KCNQ5: variants seen among roughly 807,000 people sequenced by gnomAD.
The protein encoded by KCNQ5 is potassium voltage-gated channel subfamily KQT member 5.
KCNQ5 carries 30 observed loss-of-function variants against 98.2 expected under a neutral mutation model. The observed-to-expected ratio is 0.31, with a 90% CI of 0.23 to 0.41. The LOEUF (loss-of-function observed/expected upper bound fraction) is 0.41, where lower values mean the gene tolerates loss of function less well. Ranked by LOEUF, KCNQ5 falls within the 10% of genes least tolerant of loss-of-function variation. The pLI is 1.00. For synonymous variants in KCNQ5, 458 were observed against 449.4 expected (o/e 1.02, Z -0.24); for missense variants, 835 against 1,182.5 (o/e 0.71, Z 4.31).
intron 1 of KCNQ5, among the ~76,000 whole-genome samples, chr6:72,830,391 G>C (rs1029764013): frequency 6.6e-6 from 1 of 152,142 alleles, no homozygotes; most frequent in Non-Finnish European, 1.5e-5. Flanking sequence ...CAGAGATATA[G>C]ACCAATGGAA....
intron 1 of KCNQ5, among the ~76,000 whole-genome samples, chr6:73,003,573 A>G (rs7743089): frequency 7.9e-5 from 12 of 152,242 alleles, no homozygotes; most frequent in African/African-American, 2.6e-4. Flanking sequence ...GAGCAAGAAC[A>G]TACTTTCTGG....
chr6:72,814,448 G>A (rs1775400667), intron 1 of KCNQ5, among the ~76,000 whole-genome samples: 1 of 152,212 alleles, frequency 6.6e-6, no homozygotes, highest in Non-Finnish European at 1.5e-5. Context: ...TTCCTGTGAA[G>A]ATTACTTAGA....
intron 1 of KCNQ5, among the ~76,000 whole-genome samples, chr6:72,726,552 A>G (rs1452070819): frequency 6.6e-6 from 1 of 152,178 alleles, no homozygotes; most frequent in African/African-American, 2.4e-5. Flanking sequence ...CTCACAACAA[A>G]CAGCTTCTTT....
At chr6:72,984,653 C>A (rs1768662511) in intron 1 of KCNQ5, among the ~76,000 whole-genome samples, 1 of 152,188 alleles carries the variant, frequency 6.6e-6, no homozygotes, top group Admixed American at 6.5e-5. Context: ...AATCCCCCCA[C>A]CCCTTGTGCT....
At chr6:72,860,836 C>CATGTGTGTGTGTGTGTGT (rs2150152646) in intron 1 of KCNQ5, among the ~76,000 whole-genome samples, 1 of 119,398 alleles carries the variant, frequency 8.4e-6, no homozygotes, top group African/African-American at 2.9e-5. Flanking sequence ...CCTTTTAAGG[C>CATGTGTGTGTGTGTGTGT]ATGTGTGTGT....
At chr6:72,899,536 T>C (rs1184932555) in intron 1 of KCNQ5, among the ~76,000 whole-genome samples, 1 of 152,208 alleles carries the variant, frequency 6.6e-6, no homozygotes, top group African/African-American at 2.4e-5. Flanking sequence ...AAAATTTTTA[T>C]CTCAAATTTA....
chr6:73,148,265 A>G (rs1000416754), intron 10 of KCNQ5, among the ~76,000 whole-genome samples: 2 of 152,234 alleles, frequency 1.3e-5, no homozygotes, highest in African/African-American at 4.8e-5. Flanking sequence ...GTTAATTGAC[A>G]ATCTTTAAGA....
At chr6:73,086,997 G>T (rs67433517) in intron 5 of KCNQ5, among the ~76,000 whole-genome samples, 20,468 of 152,248 alleles carry the variant, frequency 0.13, 2,608 homozygotes, top group African/African-American at 0.34. Context: ...TCATTAAAGT[G>T]CAGTGAGCAA....
chr6:72,865,623 A>G (rs1044518526), intron 1 of KCNQ5, among the ~76,000 whole-genome samples: 3 of 152,140 alleles, frequency 2.0e-5, no homozygotes, highest in African/African-American at 7.2e-5. Context: ...CCAGCTGGAG[A>G]CATGTCACGA....
chr6:72,949,115 TCTTTGG>T (rs1341172153), intron 1 of KCNQ5, among the ~76,000 whole-genome samples: 1 of 152,180 alleles, frequency 6.6e-6, no homozygotes, highest in East Asian at 1.9e-4. Flanking sequence ...AGACACAACA[TCTTTGG>T]CTTTCTCAAA....
Position 72,622,789 on chromosome 6 carries a change from C to G in KCNQ5, c.398+202C>G, listed in dbSNP as rs1300616171. Among the ~76,000 whole-genome samples, 1 of 152,186 alleles carries G rather than the reference C, an allele frequency of 6.6e-6. No individual in the cohort carries two copies. The highest frequency in any genetic ancestry group is 1.5e-5 in the Non-Finnish European group (1 of 68,036). ...CTTCTCTCATCTCTACAGCTTGAACCTTTTCCCCGAGGACACCCAATGAAC... is the reference window on the plus strand; with the variant it reads ...CTTCTCTCATCTCTACAGCTTGAACGTTTTCCCCGAGGACACCCAATGAAC... On this transcript the variant is annotated intron_variant, in intron 1 of 13. Transcript: ENST00000370398. The surrounding 1 kb of genome is among the most constrained non-coding windows in gnomAD (Gnocchi z 6.0).
At chr6:72,772,003 T>A (rs765570667) in intron 1 of KCNQ5, among the ~76,000 whole-genome samples, 2 of 152,152 alleles carry the variant, frequency 1.3e-5, no homozygotes, top group Non-Finnish European at 2.9e-5. Flanking sequence ...AATTCTAACA[T>A]GATTCATAAC....
intron 1 of KCNQ5, among the ~76,000 whole-genome samples, chr6:72,931,383 A>C (rs904712980): frequency 2.0e-5 from 3 of 152,168 alleles, no homozygotes; most frequent in South Asian, 2.1e-4. Context: ...TTAAGAATCA[A>C]ATTTCAGGAT....
rs528003827 is a variant in KCNQ5 at position 72,648,438 on chromosome 6, G to A, written c.398+25851G>A. On this transcript the variant is annotated intron_variant, in intron 1 of 13. Transcript: ENST00000370398. ...TGAAAGGAATGAATTAGAGCTACAT[G>A]AATCTATATTGATATATCTAAAGCC... Among the ~76,000 whole-genome samples the A allele has an allele frequency of 3.2e-4, 48 of 152,256 alleles. 1 individual carries two copies. The South Asian group carries it at 9.3e-3, about 30-fold the overall frequency.
At chr6:73,190,730 G>C (rs369028552) in intron 12 of KCNQ5, 26 bp downstream of exon 12, 2 of 1,481,098 alleles carry the variant, frequency 1.4e-6, no homozygotes, top group South Asian at 1.4e-5. Flanking sequence ...GTCATTCCTT[G>C]TAAAGGAATG....
intron 9 of KCNQ5, among the ~76,000 whole-genome samples, chr6:73,125,083 A>G (rs143511025): frequency 1.3e-4 from 20 of 148,966 alleles, no homozygotes; most frequent in East Asian, 9.8e-4. Context: ...GCAAGATGAA[A>G]CCACCTCTCT....
chr6:72,918,616 A>G (rs1251466461), intron 1 of KCNQ5, among the ~76,000 whole-genome samples: 1 of 152,044 alleles, frequency 6.6e-6, no homozygotes, highest in Non-Finnish European at 1.5e-5. Flanking sequence ...AAGGAAATTG[A>G]GGGCTGGCTG....
At chr6:72,713,033 A>C (rs1294087362) in intron 1 of KCNQ5, among the ~76,000 whole-genome samples, 1 of 152,182 alleles carries the variant, frequency 6.6e-6, no homozygotes, top group African/African-American at 2.4e-5. Context: ...GGTGCTCAGT[A>C]ATATGTACAT....
chr6:73,072,403 A>C (rs935778329), intron 3 of KCNQ5, among the ~76,000 whole-genome samples: 6 of 152,220 alleles, frequency 3.9e-5, no homozygotes, highest in Non-Finnish European at 8.8e-5. Context: ...TATGCAGTGT[A>C]ATTGTAGCAA....
Sources: gnomAD v4.1 joint callset for allele counts (sites outside exome capture counted in the v4.1 genomes callset) on GRCh38, gnomAD v4.1.1 for gene constraint, Gnocchi (gnomAD v3.1) non-coding constraint, MANE v1.5 for transcripts, NCBI Gene and HGNC (gene_info 2026-07-23, HGNC 2026-07-21) for gene names.